The following TAFA5 variants were observed in gnomAD, a reference collection of about 807,000 sequenced individuals.
The protein encoded by TAFA5 is chemokine-like protein TAFA-5.
A neutral mutation model predicts 15.3 loss-of-function variants in TAFA5; 6 were observed. The observed-to-expected ratio is 0.39, with a 90% CI of 0.21 to 0.77. The LOEUF (loss-of-function observed/expected upper bound fraction) is 0.77. Among genes scored for constraint, TAFA5 ranks in the 30% least tolerant of loss-of-function variants. The pLI, the probability that TAFA5 is intolerant of heterozygous loss-of-function variation, is 0.41. For missense variants in TAFA5, 161 were observed against 193.1 expected (o/e 0.83, Z 0.98); for synonymous variants, 103 against 80.7 (o/e 1.28, Z -1.48).
At chr22:48,705,574 A>T (rs530497100) in intron 2 of TAFA5, among the ~76,000 whole-genome samples, 1 of 152,332 alleles carries the variant, frequency 6.6e-6, no homozygotes, top group South Asian at 2.1e-4. Flanking sequence ...AGGAACAGCC[A>T]CTGCCTGTGG....
intron 2 of TAFA5, among the ~76,000 whole-genome samples, chr22:48,689,134 A>T (rs1928458925): frequency 6.6e-6 from 1 of 152,064 alleles, no homozygotes; most frequent in Non-Finnish European, 1.5e-5. Flanking sequence ...AGGACCCCGT[A>T]CTCACAGAAG....
chr22:48,649,266 G>A (rs1175860202), intron 2 of TAFA5, among the ~76,000 whole-genome samples: 1 of 152,232 alleles, frequency 6.6e-6, no homozygotes, highest in Non-Finnish European at 1.5e-5. Flanking sequence ...TGGCCTTCCA[G>A]CTGAGCCACC....
chr22:48,606,671 T>C (rs2069081267), intron 1 of TAFA5, among the ~76,000 whole-genome samples: 1 of 152,252 alleles, frequency 6.6e-6, no homozygotes, highest in Non-Finnish European at 1.5e-5. Flanking sequence ...GCTGCTCTCT[T>C]TGCTTTGAAA....
chr22:48,523,262 G>A (rs1921667961), intron 1 of TAFA5, among the ~76,000 whole-genome samples: 1 of 152,212 alleles, frequency 6.6e-6, no homozygotes, highest in South Asian at 2.1e-4. Context: ...GCTTTGCCGT[G>A]GGACAGGGCT....
intron 1 of TAFA5, among the ~76,000 whole-genome samples, chr22:48,493,461 T>C (rs920768054): frequency 3.9e-5 from 6 of 152,360 alleles, no homozygotes; most frequent in Admixed American, 1.3e-4. Context: ...CCTTTATAAA[T>C]ACAATTTATT....
intron 2 of TAFA5, among the ~76,000 whole-genome samples, chr22:48,692,830 C>T (rs6010591): frequency 0.072 from 11,036 of 152,266 alleles, 993 homozygotes; most frequent in African/African-American, 0.21. Flanking sequence ...TGTCCTCAGT[C>T]ACCGACCTCA....
chr22:48,531,258 C>T (rs1428600708), intron 1 of TAFA5, among the ~76,000 whole-genome samples: 1 of 152,256 alleles, frequency 6.6e-6, no homozygotes. Context: ...CAGTCCCAGG[C>T]TTGTCCTGCC....
intron 1 of TAFA5, among the ~76,000 whole-genome samples, chr22:48,631,883 C>A (rs1263315597): frequency 6.6e-6 from 1 of 152,202 alleles, no homozygotes; most frequent in East Asian, 1.9e-4. Context: ...CAGCTCCTGG[C>A]TGTGAACGGG....
At chr22:48,605,013 G>A (rs1439400188) in intron 1 of TAFA5, among the ~76,000 whole-genome samples, 2 of 151,388 alleles carry the variant, frequency 1.3e-5, no homozygotes, top group Non-Finnish European at 2.9e-5. Flanking sequence ...TGGCGGTGTT[G>A]ATGGTAATGA....
At chr22:48,562,069 C>T (rs1923248019) in intron 1 of TAFA5, among the ~76,000 whole-genome samples, 1 of 152,184 alleles carries the variant, frequency 6.6e-6, no homozygotes, top group Admixed American at 6.5e-5. Context: ...GCAGGGTAAG[C>T]ACTGATTTGC....
chr22:48,687,612 G>C (rs543721085), intron 2 of TAFA5, among the ~76,000 whole-genome samples: 1 of 152,090 alleles, frequency 6.6e-6, no homozygotes, highest in African/African-American at 2.4e-5. Context: ...TTGCCATGGC[G>C]AGTGCCTCCC....
chr22:48,607,534 C>G (rs1276979698), intron 1 of TAFA5, among the ~76,000 whole-genome samples: 1 of 133,344 alleles, frequency 7.5e-6, no homozygotes, highest in Non-Finnish European at 1.6e-5. Context: ...TGGAGCAGGT[C>G]TGTCCTGGGT....
chr22:48,601,404 G>A (rs1056666318), intron 1 of TAFA5, among the ~76,000 whole-genome samples: 9 of 151,886 alleles, frequency 5.9e-5, no homozygotes, highest in East Asian at 3.9e-4. Context: ...TTGGCTCACC[G>A]CAACCTCTGC....
intron 1 of TAFA5, among the ~76,000 whole-genome samples, chr22:48,540,484 C>G (rs1339271611): frequency 6.6e-6 from 1 of 152,142 alleles, no homozygotes; most frequent in Non-Finnish European, 1.5e-5. Context: ...CCCCTGAGGT[C>G]TAATGGGGCA....
At chr22:48,583,085 AC>A (rs1176962014) in intron 1 of TAFA5, among the ~76,000 whole-genome samples, 11 of 148,558 alleles carry the variant, frequency 7.4e-5, no homozygotes, top group Middle Eastern at 7.2e-3. Context: ...TACACCACAC[AC>A]CCCACACACA....
At chr22:48,703,081 G>A (rs1205554823) in intron 2 of TAFA5, among the ~76,000 whole-genome samples, 5 of 152,160 alleles carry the variant, frequency 3.3e-5, no homozygotes, top group East Asian at 1.9e-4. Context: ...GTGCGTGAAC[G>A]TGTGTGCATG....
chr22:48,495,387 G>A (rs1928290424), intron 1 of TAFA5, among the ~76,000 whole-genome samples: 1 of 152,354 alleles, frequency 6.6e-6, no homozygotes, highest in Non-Finnish European at 1.5e-5. Flanking sequence ...AAAGGCCGAA[G>A]ATGATGGGGG....
chr22:48,658,656 A>G (rs767443206), intron 2 of TAFA5, among the ~76,000 whole-genome samples: 10 of 152,202 alleles, frequency 6.6e-5, no homozygotes, highest in Non-Finnish European at 1.3e-4. Context: ...TGAGCCCCAC[A>G]AAGGGTGGAG....
At chr22:48,544,650 C>T (rs1922593064) in intron 1 of TAFA5, 4 of 468,716 alleles carry the variant, frequency 8.5e-6, no homozygotes, top group African/African-American at 8.0e-5. Flanking sequence ...TTCTTAAGGC[C>T]TGATGTGCAC....
Sources: allele counts gnomAD v4.1 joint callset (sites outside exome capture counted in the v4.1 genomes callset), GRCh38; gene constraint gnomAD v4.1.1; transcripts MANE v1.5; gene names NCBI Gene and HGNC (gene_info 2026-07-23, HGNC 2026-07-21).